Variants in ABCC3 observed in about 807,000 individuals in gnomAD.
The protein encoded by ABCC3 is ATP binding cassette subfamily C member 3.
ABCC3 carries 121 observed loss-of-function variants against 165.3 expected under a neutral mutation model. The ratio of observed to expected loss-of-function variants is 0.73; its 90% CI spans 0.63 to 0.85. The LOEUF (loss-of-function observed/expected upper bound fraction) is 0.85. Among genes scored for constraint, ABCC3 ranks in the 40% least tolerant of loss-of-function variants. The probability of loss-of-function intolerance (pLI) is 0.00; values close to 1 mark genes in which losing one functional copy is unlikely to be tolerated. For synonymous variants in ABCC3, 733 were observed against 810.1 expected, an observed-to-expected ratio of 0.90 and a Z score of 1.62; for missense variants, 1,869 against 1,964.1, an observed-to-expected ratio of 0.95 and a Z score of 0.92.
At position 50,663,711 on chromosome 17, in the gene ABCC3, G is replaced by A; in HGVS notation, c.1029G>A (p.Met343Ile). The change falls in exon 9 of 31, where the codon ATG becomes ATA. Residue 343 changes from methionine to isoleucine, a missense_variant. Coordinates refer to ENST00000285238, the MANE Select transcript of ABCC3 (RefSeq NM_003786.4). ...SILIRFISNP[M>I]APSWWGFLVA... Reference sequence around the variant, plus strand: ...TGATCAGGTTTATCTCCAACCCCATGGCCCCCTCCTGGTGGGGCTTCCTGG... The same window carrying A: ...TGATCAGGTTTATCTCCAACCCCATAGCCCCCTCCTGGTGGGGCTTCCTGG... The A allele has an allele frequency of 6.2e-7, 1 of 1,614,164 alleles. No homozygotes were observed. The highest frequency in any genetic ancestry group is 8.5e-7 in the Non-Finnish European group (1 of 1,180,036).
intron 8 of ABCC3, among the ~76,000 whole-genome samples, chr17:50,662,529 T>G (rs1175505691): frequency 6.7e-6 from 1 of 150,318 alleles, no homozygotes; most frequent in Non-Finnish European, 1.5e-5. Context: ...TCCTAGCTAC[T>G]CAAGAGGCTG....
chr17:50,651,583 T>C (rs1967116841), intron 1 of ABCC3, among the ~76,000 whole-genome samples: 2 of 152,076 alleles, frequency 1.3e-5, no homozygotes, highest in Non-Finnish European at 2.9e-5. Flanking sequence ...ATTAGCTGGA[T>C]GTGGTAGCTT....
At position 50,665,225 on chromosome 17, in the gene ABCC3, G is replaced by A. The variant is rs892358122; in HGVS notation, c.1411G>A (p.Val471Met). The A allele has an allele frequency of 1.2e-5, 19 of 1,612,484 alleles. No homozygotes were observed. The highest frequency in any genetic ancestry group is 1.3e-5 in the African/African-American group (1 of 74,866). The part of the protein sequence containing the change: ...LLIPLNGAVA[V>M]KMRAFQVKQM... ...GATTCCACTCAACGGAGCTGTGGCC[G>A]TGAAGATGCGCGCCTTCCAGGTAGG... The change falls in exon 11 of 31, where the codon GTG (valine) becomes ATG (methionine). Residue 471 changes from valine (V) to methionine (M), a missense_variant. Physicochemically the swap from Val to Met is conservative, Grantham distance 21. Coordinates refer to ENST00000285238, the MANE Select transcript of ABCC3 (RefSeq NM_003786.4).
chr17:50,660,231 C>A (rs1967345419), intron 7 of ABCC3, among the ~76,000 whole-genome samples: 1 of 152,148 alleles, frequency 6.6e-6, no homozygotes, highest in South Asian at 2.1e-4. Flanking sequence ...ATGATCTTCC[C>A]CTGAGGGGTC....
In ABCC3 at chr17:50,669,610, C is replaced by T. The variant is rs538953891; in HGVS notation, c.2241+82C>T. 19 of 1,449,578 alleles carry T rather than the reference C, an allele frequency of 1.3e-5. No homozygotes were observed. The South Asian group carries it at 2.3e-4, about 18-fold the overall frequency. 89.8% of individuals were successfully genotyped at this position (1,449,578 alleles called of 1,614,324 possible). A position where few individuals can be genotyped will look rare whatever the true frequency, so the allele number is the denominator to read the frequency against. On this transcript the variant is annotated intron_variant, in intron 17 of 30. Transcript: ENST00000285238. ...CCAGCCCAGGTCCATATATTCATCCCTTCATTCACACATTGGTGTAACGTT... is the reference window on the plus strand; with the variant it reads ...CCAGCCCAGGTCCATATATTCATCCTTTCATTCACACATTGGTGTAACGTT...
chr17:50,673,909 T>TTTCTTTCA (rs1567835402), intron 19 of ABCC3, among the ~76,000 whole-genome samples: 2 of 11,544 alleles, frequency 1.7e-4, no homozygotes, highest in Non-Finnish European at 3.2e-4. Flanking sequence ...GTTTTCTTTC[T>TTTCTTTCA]TTCTTTCTTT....
chr17:50,687,018 GA>G (rs1051587738), intron 29 of ABCC3, among the ~76,000 whole-genome samples: 1 of 152,136 alleles, frequency 6.6e-6, no homozygotes, highest in African/African-American at 2.4e-5. Flanking sequence ...CAGACACAAA[GA>G]GTCCCCGGGT....
intron 8 of ABCC3, 173 bp from the exon 9 acceptor site, chr17:50,663,508 C>G (rs551531269): frequency 1.1e-5 from 7 of 655,612 alleles, no homozygotes; most frequent in Non-Finnish European, 1.8e-5. Context: ...GCCAGGAGGT[C>G]GTGGTCTTGA....
chr17:50,672,053 C>T (rs1324351439), intron 17 of ABCC3, among the ~76,000 whole-genome samples: 15 of 152,068 alleles, frequency 9.9e-5, no homozygotes, highest in Admixed American at 5.9e-4. Context: ...ATAAAGCCAC[C>T]GGTCCCACTC....
At chr17:50,638,550 G>A (rs2054200074) in intron 1 of ABCC3, among the ~76,000 whole-genome samples, 1 of 152,222 alleles carries the variant, frequency 6.6e-6, no homozygotes, top group African/African-American at 2.4e-5. Flanking sequence ...GATGCGGCCA[G>A]TGGGGATTCA....
chr17:50,637,556 A>G (rs574380595), intron 1 of ABCC3, among the ~76,000 whole-genome samples: 1 of 152,298 alleles, frequency 6.6e-6, no homozygotes, highest in Admixed American at 6.5e-5. Flanking sequence ...CTAGGAGTGA[A>G]AATGCAAGGA....
chr17:50,660,332 C>T (rs371136737), intron 7 of ABCC3, among the ~76,000 whole-genome samples: 49 of 152,332 alleles, frequency 3.2e-4, no homozygotes, highest in African/African-American at 1.1e-3. Context: ...CATCTTTCTC[C>T]ACCCAATTCT....
rs761111704 is a variant in ABCC3, at chr17:50,684,932, G to A, written c.4280+57G>A. 1.4e-4 allele frequency: 224 copies of A among 1,580,402 alleles called. No homozygotes were observed. In the South Asian group the frequency reaches 1.7e-3, roughly 12 times the overall value. On this transcript the variant is annotated intron_variant, in intron 29 of 30. Transcript: ENST00000285238. ...GCAACCCTCCCTGGGAAACCCTGGC[G>A]GGTGCTGGGAAACCTGACACCAATG... is the stretch of plus-strand genomic sequence containing the variant.
chr17:50,640,614 G>A (rs1223100077), intron 1 of ABCC3, among the ~76,000 whole-genome samples: 1 of 152,162 alleles, frequency 6.6e-6, no homozygotes, highest in Non-Finnish European at 1.5e-5. Flanking sequence ...CGCCTCCCAG[G>A]TTCAAACAAT....
At chr17:50,689,024 G>T (rs1169926972) in intron 30 of ABCC3, among the ~76,000 whole-genome samples, 1 of 152,004 alleles carries the variant, frequency 6.6e-6, no homozygotes, top group Non-Finnish European at 1.5e-5. Context: ...CCAACATGGT[G>T]AAACCCTGTC....
chr17:50,635,463 G>A lies in ABCC3; in HGVS notation c.45+482G>A, dbSNP rs943504919. The A allele has an allele frequency of 3.7e-5, 26 of 702,304 alleles. 1 individual carries two copies. The highest frequency in any genetic ancestry group is 3.6e-4 in the South Asian group (24 of 67,604). 43.5% of individuals were successfully genotyped at this position (702,304 alleles called of 1,614,324 possible). A position where few individuals can be genotyped will look rare whatever the true frequency, so the allele number is the denominator to read the frequency against. On this transcript the variant is annotated intron_variant, in intron 1 of 30. Coordinates refer to ENST00000285238, the MANE Select transcript of ABCC3 (RefSeq NM_003786.4). ...CCTGCTCAACCAGGTGTTTTGGGAG[G>A]CCGGCTGTGCAGTGTCCCACCCTTC... is the stretch of plus-strand genomic sequence containing the variant.
chr17:50,688,269 T>G (rs924296752), intron 30 of ABCC3: 3 of 153,228 alleles, frequency 2.0e-5, no homozygotes, highest in Non-Finnish European at 4.4e-5. Context: ...AGGCACTGTC[T>G]TTGTGCACAG....
At chr17:50,656,908 A>G in intron 3 of ABCC3, 81 bp downstream of exon 3, 1 of 1,551,282 alleles carries the variant, frequency 6.4e-7, no homozygotes, top group South Asian at 1.3e-5. Context: ...GTGGGCTCTG[A>G]GGAGAGGGCT....
intron 26 of ABCC3, among the ~76,000 whole-genome samples, chr17:50,683,352 A>G (rs1338242036): frequency 1.5e-5 from 2 of 133,998 alleles, no homozygotes. Flanking sequence ...TCAAAAATTA[A>G]AAAAAAAAAA....
Sources: allele counts gnomAD v4.1 joint callset (sites outside exome capture counted in the v4.1 genomes callset), GRCh38; gene constraint gnomAD v4.1.1; transcripts MANE v1.5; gene names NCBI Gene and HGNC (gene_info 2026-07-23, HGNC 2026-07-21).